Variants in INTS13 observed in about 807,000 individuals in gnomAD.
INTS13 encodes integrator complex subunit 13.
A neutral mutation model predicts 90.2 loss-of-function variants in INTS13; 35 were observed. That is an observed-to-expected ratio of 0.39 (90% CI 0.30 to 0.51). INTS13 has a LOEUF of 0.51. INTS13 is among the 20% of genes least tolerant of loss of function. The pLI is 0.80. For synonymous variants in INTS13, 309 were observed against 277.1 expected (o/e 1.11, Z -1.14); for missense variants, 601 against 851.2 (o/e 0.71, Z 3.66).
chr12:26,920,020 C>G (rs1167982325), intron 8 of INTS13, among the ~76,000 whole-genome samples: 1 of 151,510 alleles, frequency 6.6e-6, no homozygotes, highest in Non-Finnish European at 1.5e-5. Flanking sequence ...CCCAACTACT[C>G]GGGAGGCTGA....
intron 14 of INTS13, 77 bp from the exon 15 acceptor site, chr12:26,911,394 G>T: frequency 1.6e-6 from 2 of 1,277,220 alleles, no homozygotes; most frequent in Non-Finnish European, 2.1e-6. Flanking sequence ...AACTAACTTT[G>T]CATATCAACC....
intron 8 of INTS13, among the ~76,000 whole-genome samples, chr12:26,921,912 T>A (rs1952129731): frequency 6.6e-6 from 1 of 152,192 alleles, no homozygotes; most frequent in South Asian, 2.1e-4. Context: ...CACCTTGGCC[T>A]CCCAAAGTGC....
chr12:26,906,461 G>C (rs780311192), intron 15 of INTS13, 24 bp from the exon 16 acceptor site: 1 of 1,577,308 alleles, frequency 6.3e-7, no homozygotes, highest in East Asian at 2.2e-5. Context: ...TAAAAGGAGA[G>C]AGAAAAAAAA....
chr12:26,935,277 A>C (rs529539637), intron 2 of INTS13, among the ~76,000 whole-genome samples: 63 of 152,376 alleles, frequency 4.1e-4, no homozygotes, highest in Non-Finnish European at 5.3e-4. Context: ...CTATCAGGTA[A>C]GATAATGACA....
intron 6 of INTS13, 81 bp downstream of exon 6, chr12:26,925,680 G>T: frequency 8.7e-7 from 1 of 1,154,848 alleles, no homozygotes; most frequent in Non-Finnish European, 1.2e-6. Flanking sequence ...TATTGGCAAT[G>T]GATCATTTTA....
intron 15 of INTS13, among the ~76,000 whole-genome samples, chr12:26,909,220 G>A (rs2137401830): frequency 6.6e-6 from 1 of 152,238 alleles, no homozygotes; most frequent in East Asian, 1.9e-4. Flanking sequence ...AATTAGCTGG[G>A]TGTGGTGGCA....
At chr12:26,915,769 G>A (rs1218586576) in intron 11 of INTS13, among the ~76,000 whole-genome samples, 5 of 152,018 alleles carry the variant, frequency 3.3e-5, no homozygotes, top group Non-Finnish European at 5.9e-5. Context: ...CAATTCCAGC[G>A]TGTCATTGCA....
chr12:26,917,727 G>A lies in INTS13; in HGVS notation c.896C>T (p.Ser299Leu), dbSNP rs780198125. 95 of 1,604,214 alleles carry A rather than the reference G, an allele frequency of 5.9e-5. 1 individual carries two copies. In the Admixed American group the frequency reaches 1.1e-3, roughly 19 times the overall value. ...AHVDFLKSGDSHLGGGSREGS... is the reference protein window; with the variant it reads ...AHVDFLKSGDLHLGGGSREGS... ...TTCTCGACTGCCGCCACCTAGATGC[G>A]AATCACCTTTAAAAATATGTCAGAG... The change falls in exon 9 of 17, where the codon TCG becomes TTG. Residue 299 changes from serine to leucine, a missense_variant. Around this residue, in one of 3 missense-constraint regions of INTS13, gnomAD observed 284 missense variants for 387.7 expected, o/e 0.73. Transcript: ENST00000261191.
At chr12:26,908,888 C>T (rs1053579843) in intron 15 of INTS13, among the ~76,000 whole-genome samples, 5 of 152,008 alleles carry the variant, frequency 3.3e-5, no homozygotes, top group African/African-American at 7.2e-5. Context: ...ATTTCCAGGG[C>T]GAAAAACATC....
Position 26,928,918 on chromosome 12 carries a change from G to A in INTS13, c.301-13C>T, listed in dbSNP as rs1299190496. ...ATGCTGCCATTAGCTAAGTAAAAGG[G>A]AAAACAATTATGTTGACAAGAGTAT... On this transcript the variant is annotated splice_polypyrimidine_tract_variant and intron_variant, in intron 3 of 16. Coordinates refer to ENST00000261191, the MANE Select transcript of INTS13 (RefSeq NM_018164.3). 1.2e-6 allele frequency: 2 copies of A among 1,611,702 alleles called. No individual in the cohort carries two copies. Among genetic ancestry groups the A allele is most frequent in the Non-Finnish European group, 1.7e-6 (2 of 1,178,330 alleles).
At chr12:26,929,817 GA>G (rs1938093905) in intron 3 of INTS13, among the ~76,000 whole-genome samples, 1 of 151,356 alleles carries the variant, frequency 6.6e-6, no homozygotes, top group African/African-American at 2.4e-5. Flanking sequence ...AAGAAAGAAG[GA>G]AAAAGGGAAG....
At chr12:26,918,241 T>A (rs1417800254) in intron 8 of INTS13, among the ~76,000 whole-genome samples, 2 of 152,106 alleles carry the variant, frequency 1.3e-5, no homozygotes, top group African/African-American at 4.8e-5. Context: ...CTGAAACTAC[T>A]CTAAAATTAA....
intron 6 of INTS13, 80 bp downstream of exon 6, chr12:26,925,681 G>T: frequency 8.5e-7 from 1 of 1,169,622 alleles, no homozygotes; most frequent in Non-Finnish European, 1.2e-6. Context: ...ATTGGCAATG[G>T]ATCATTTTAA....
At chr12:26,927,739 C>G (rs1470102950) in intron 5 of INTS13, among the ~76,000 whole-genome samples, 1 of 152,116 alleles carries the variant, frequency 6.6e-6, no homozygotes, top group Non-Finnish European at 1.5e-5. Context: ...CCTCAGCTGC[C>G]TGAGTAGCTG....
chr12:26,931,529 C>CA (rs1938192195), intron 3 of INTS13, among the ~76,000 whole-genome samples: 1 of 152,096 alleles, frequency 6.6e-6, no homozygotes, highest in Admixed American at 6.5e-5. Flanking sequence ...CACCCGTTAA[C>CA]AAAAAAATTT....
At chr12:26,916,212 G>A in intron 10 of INTS13, 32 bp from the exon 11 acceptor site, 1 of 1,539,278 alleles carries the variant, frequency 6.5e-7, no homozygotes, top group East Asian at 2.3e-5. Context: ...TATCAGTAAT[G>A]AAACTCAAAT....
At chr12:26,920,181 C>A (rs1301420455) in intron 8 of INTS13, among the ~76,000 whole-genome samples, 2 of 151,682 alleles carry the variant, frequency 1.3e-5, no homozygotes, top group East Asian at 3.9e-4. Context: ...AAAGTATAAG[C>A]CTACTCACCA....
Position 26,928,232 on chromosome 12 carries a change from T to C in INTS13, c.557A>G (p.His186Arg), listed in dbSNP as rs923852477. Residue 186 changes from histidine to arginine, a missense_variant, in exon 5 of 17, where the codon CAT (histidine) becomes CGT (arginine). Physicochemically the swap from His to Arg is conservative, Grantham distance 29 (BLOSUM62 0). Around this residue, in one of 3 missense-constraint regions of INTS13, gnomAD observed 284 missense variants for 387.7 expected, o/e 0.73. Coordinates refer to ENST00000261191, the MANE Select transcript of INTS13 (RefSeq NM_018164.3). ...EDCVQETIHEHNKLAANSDHL... is the reference protein window; with the variant it reads ...EDCVQETIHERNKLAANSDHL... ...ATCTGAATTTGCAGCAAGCTTGTTA[T>C]GTTCATGAATCGTTTCCTGGACACA... is the stretch of plus-strand genomic sequence containing the variant. 2.5e-6 allele frequency: 4 copies of C among 1,610,730 alleles called. No individual in the cohort carries two copies. Among genetic ancestry groups the C allele is most frequent in the South Asian group, 1.1e-5 (1 of 90,804 alleles).
chr12:26,925,715 T>C, intron 6 of INTS13, 46 bp downstream of exon 6: 2 of 1,404,758 alleles, frequency 1.4e-6, no homozygotes, highest in Non-Finnish European at 1.0e-6. Context: ...CAGTATTTAT[T>C]ATTATTAACC....
Sources: allele counts gnomAD v4.1 joint callset (sites outside exome capture counted in the v4.1 genomes callset), GRCh38; gene constraint gnomAD v4.1.1; regional missense constraint gnomAD v4.1.1; transcripts MANE v1.5; gene names NCBI Gene and HGNC (gene_info 2026-07-23, HGNC 2026-07-21).